The following TPD52 variants were observed in gnomAD, a reference collection of about 807,000 sequenced individuals.
TPD52 encodes the protein tumor protein D52.
In TPD52, 17 loss-of-function variants were observed where a neutral mutation model predicts 31.3. The ratio of observed to expected loss-of-function variants is 0.54; its 90% CI spans 0.37 to 0.82. The LOEUF is 0.82. Ranked by LOEUF, TPD52 falls within the 40% of genes least tolerant of loss-of-function variation. The probability of loss-of-function intolerance (pLI) is 0.00; values close to 1 mark genes in which losing one functional copy is unlikely to be tolerated. For missense variants in TPD52, 212 were observed against 240.1 expected (o/e 0.88, Z 0.77); for synonymous variants, 83 against 89.6 (o/e 0.93, Z 0.42).
At chr8:80,116,805 T>C (rs542701908) in intron 1 of TPD52, among the ~76,000 whole-genome samples, 41 of 151,158 alleles carry the variant, frequency 2.7e-4, no homozygotes, top group African/African-American at 9.7e-4. Flanking sequence ...TTATTTAGTA[T>C]GAGCAAGTAG....
chr8:80,092,204 A>G (rs1162187361), intron 1 of TPD52, among the ~76,000 whole-genome samples: 2 of 152,184 alleles, frequency 1.3e-5, no homozygotes, highest in South Asian at 2.1e-4. Context: ...TTTGAAATCT[A>G]CAATACATTG....
At chr8:80,119,868 C>A in intron 1 of TPD52, 5 of 405,238 alleles carry the variant, frequency 1.2e-5, no homozygotes, top group East Asian at 8.0e-5. Context: ...GCCAGAAATT[C>A]CAGATGAAAT....
intron 1 of TPD52, among the ~76,000 whole-genome samples, chr8:80,070,144 C>T (rs1048831999): frequency 6.6e-6 from 1 of 152,080 alleles, no homozygotes; most frequent in African/African-American, 2.4e-5. Flanking sequence ...AATGTAGAAC[C>T]TACACTTAAG....
At chr8:80,127,601 G>A (rs574187135) in intron 1 of TPD52, 3 of 152,144 alleles carry the variant, frequency 2.0e-5, no homozygotes, top group East Asian at 3.9e-4. Flanking sequence ...GACAGATCCT[G>A]GGTTCCTGAG....
At chr8:80,165,910 C>T (rs115149206) in intron 1 of TPD52, among the ~76,000 whole-genome samples, 2,680 of 152,222 alleles carry the variant, frequency 0.018, 78 homozygotes, top group African/African-American at 0.061. Flanking sequence ...ATTTTTCCTC[C>T]CCTACAAGGC....
chr8:80,084,473 T>G (rs561833954), intron 1 of TPD52, among the ~76,000 whole-genome samples: 1 of 152,280 alleles, frequency 6.6e-6, no homozygotes, highest in South Asian at 2.1e-4. Context: ...GCTCCTTCCC[T>G]CACCAGGCCA....
intron 1 of TPD52, among the ~76,000 whole-genome samples, chr8:80,136,559 G>A (rs13274768): frequency 0.43 from 60,061 of 139,602 alleles, 13,469 homozygotes; most frequent in East Asian, 0.79. Context: ...AAAGAAAACA[G>A]TGCTCACCAT....
intron 5 of TPD52, among the ~76,000 whole-genome samples, chr8:80,045,830 A>G (rs1810791584): frequency 6.6e-6 from 1 of 152,352 alleles, no homozygotes; most frequent in South Asian, 2.1e-4. Flanking sequence ...TAGGTGAGCT[A>G]AAAGTTACAT....
intron 1 of TPD52, among the ~76,000 whole-genome samples, chr8:80,110,880 T>C (rs1428547031): frequency 6.6e-6 from 1 of 152,230 alleles, no homozygotes; most frequent in Non-Finnish European, 1.5e-5. Flanking sequence ...CCTTGTGGTC[T>C]GCTGCTACCC....
intron 1 of TPD52, among the ~76,000 whole-genome samples, chr8:80,139,374 A>C (rs1440499434): frequency 6.6e-6 from 1 of 152,098 alleles, no homozygotes; most frequent in Non-Finnish European, 1.5e-5. Context: ...CCCCAAAAAG[A>C]AACCCACATC....
chr8:80,117,781 G>A (rs1262353019), intron 1 of TPD52, among the ~76,000 whole-genome samples: 11 of 138,534 alleles, frequency 7.9e-5, no homozygotes, highest in African/African-American at 3.0e-4. Flanking sequence ...TGCCCAGGCT[G>A]GAGTGTAGTG....
At chr8:80,081,604 C>G (rs990753033) in intron 1 of TPD52, among the ~76,000 whole-genome samples, 1 of 151,976 alleles carries the variant, frequency 6.6e-6, no homozygotes, top group Admixed American at 6.6e-5. Context: ...ATATACTCTC[C>G]TTGGATTGGA....
At chr8:80,059,953 C>T (rs575799201) in intron 2 of TPD52, among the ~76,000 whole-genome samples, 10 of 151,546 alleles carry the variant, frequency 6.6e-5, no homozygotes, top group South Asian at 2.1e-4. Flanking sequence ...TGGTGGTGCA[C>T]GCCTGTAGTC....
intron 5 of TPD52, among the ~76,000 whole-genome samples, chr8:80,048,901 C>A (rs1418666107): frequency 6.6e-6 from 1 of 152,116 alleles, no homozygotes; most frequent in African/African-American, 2.4e-5. Flanking sequence ...AATGGTACAG[C>A]ATAATCTTAA....
At chr8:80,041,195 G>A (rs1268643696) in intron 7 of TPD52, among the ~76,000 whole-genome samples, 1 of 152,200 alleles carries the variant, frequency 6.6e-6, no homozygotes, top group Non-Finnish European at 1.5e-5. Context: ...TAATGTAGAT[G>A]ACAGGTTGAT....
chr8:80,143,042 A>G (rs1344094330), intron 1 of TPD52, among the ~76,000 whole-genome samples: 1 of 152,314 alleles, frequency 6.6e-6, no homozygotes, highest in African/African-American at 2.4e-5. Context: ...TGAACTTGGG[A>G]ATTAAATAGA....
intron 1 of TPD52, among the ~76,000 whole-genome samples, chr8:80,131,453 A>G (rs1179357172): frequency 6.6e-6 from 1 of 152,198 alleles, no homozygotes; most frequent in Non-Finnish European, 1.5e-5. Context: ...TCTGGTATCA[A>G]CTGTATCCAG....
intron 1 of TPD52, among the ~76,000 whole-genome samples, chr8:80,109,263 A>G (rs1401558134): frequency 6.6e-6 from 1 of 152,194 alleles, no homozygotes; most frequent in African/African-American, 2.4e-5. Flanking sequence ...TAAAAGTTCA[A>G]TCTGATTCCC....
chr8:80,075,015 C>A (rs1037787550), intron 1 of TPD52, among the ~76,000 whole-genome samples: 3 of 152,008 alleles, frequency 2.0e-5, no homozygotes, highest in African/African-American at 7.3e-5. Context: ...GAGTCTTGGT[C>A]TGTCACCAGG....
Sources: allele counts gnomAD v4.1 joint callset (sites outside exome capture counted in the v4.1 genomes callset), GRCh38; gene constraint gnomAD v4.1.1; transcripts MANE v1.5; gene names NCBI Gene and HGNC (gene_info 2026-07-23, HGNC 2026-07-21).